Variants in LRP6 observed in about 807,000 individuals in gnomAD.
LRP6 encodes the protein low-density lipoprotein receptor-related protein 6.
Under a neutral mutation model 184.1 loss-of-function variants are expected in LRP6, and 43 were observed. The observed-to-expected ratio is 0.23, with a 90% confidence interval of 0.18 to 0.30. The LOEUF (loss-of-function observed/expected upper bound fraction) is 0.30, where lower values mean the gene tolerates loss of function less well. LRP6 is among the 10% of genes least tolerant of loss of function. The probability of loss-of-function intolerance (pLI) is 1.00; values close to 1 mark genes in which losing one functional copy is unlikely to be tolerated. For missense variants in LRP6, 1,571 were observed against 2,005.3 expected (o/e 0.78, Z 4.14); for synonymous variants, 719 against 684.9 (o/e 1.05, Z -0.78).
Position 12,244,655 on chromosome 12 carries a change from G to C in LRP6, c.56C>G (p.Ala19Gly). ...GTTTGCATAAAGCAACAAAGGGGCC[G>C]CTAGAACAAAAAAAGAAAAATATGT... ...LACSFCVLLR[A>G]APLLLYANRR... The change falls in exon 2 of 23, where the codon GCG becomes GGG. Residue 19 changes from alanine (A) to glycine (G), a missense_variant and splice_region_variant. Physicochemically the swap from Ala to Gly is moderately conservative, Grantham distance 60. Around this residue, in one of 4 missense-constraint regions of LRP6, gnomAD observed 640 missense variants for 851.9 expected, o/e 0.75. Transcript: ENST00000261349. 1 of 1,613,108 alleles carries C rather than the reference G, an allele frequency of 6.2e-7. No individual in the cohort carries two copies.
chr12:12,153,087 A>C (rs888272674), intron 12 of LRP6, among the ~76,000 whole-genome samples: 1 of 152,232 alleles, frequency 6.6e-6, no homozygotes, highest in Non-Finnish European at 1.5e-5. Flanking sequence ...GAGTAGTAAA[A>C]ACACATCACA....
At chr12:12,163,386 A>C (rs1242389954) in intron 9 of LRP6, among the ~76,000 whole-genome samples, 1 of 152,122 alleles carries the variant, frequency 6.6e-6, no homozygotes, top group Non-Finnish European at 1.5e-5. Context: ...TTAGAATCCA[A>C]CTCTGACTCC....
chr12:12,161,770 TAATA>T (rs1862747585), intron 10 of LRP6, among the ~76,000 whole-genome samples: 1 of 152,188 alleles, frequency 6.6e-6, no homozygotes, highest in Non-Finnish European at 1.5e-5. Context: ...CATTTTGAAT[TAATA>T]AATACTCCAA....
intron 1 of LRP6, among the ~76,000 whole-genome samples, chr12:12,258,650 G>C (rs1351993804): frequency 2.0e-5 from 3 of 152,212 alleles, no homozygotes; most frequent in South Asian, 4.1e-4. Flanking sequence ...CATAAATCTA[G>C]AAGGTTACAA....
At chr12:12,133,834 A>T (rs1949790821) in intron 17 of LRP6, among the ~76,000 whole-genome samples, 1 of 99,422 alleles carries the variant, frequency 1.0e-5, no homozygotes, top group East Asian at 3.6e-4. Flanking sequence ...AGGGAAACAC[A>T]TGCTATTTTT....
At chr12:12,125,521 T>G in intron 20 of LRP6, 89 bp from the exon 21 acceptor site, 1 of 1,165,396 alleles carries the variant, frequency 8.6e-7, no homozygotes, top group Non-Finnish European at 1.3e-6. Flanking sequence ...ATTACAAATA[T>G]CAACAGTGAA....
At chr12:12,153,679 A>G (rs574185240) in intron 12 of LRP6, among the ~76,000 whole-genome samples, 1 of 152,320 alleles carries the variant, frequency 6.6e-6, no homozygotes, top group South Asian at 2.1e-4. Flanking sequence ...AAAAGCCTAA[A>G]TCCACCCTAT....
At chr12:12,215,477 G>A (rs563928158) in intron 2 of LRP6, among the ~76,000 whole-genome samples, 1 of 151,872 alleles carries the variant, frequency 6.6e-6, no homozygotes, top group South Asian at 2.1e-4. Context: ...CCAAACTGGA[G>A]TGCAATAGCG....
rs869320641 is a variant in LRP6, at chr12:12,181,412, C to T, written c.1004G>A (p.Arg335Gln). 5 of 1,398,756 alleles carry T rather than the reference C, an allele frequency of 3.6e-6. No homozygotes were observed. Among genetic ancestry groups the T allele is most frequent in the African/African-American group, 2.8e-5 (2 of 70,762 alleles). 86.6% of individuals were successfully genotyped at this position (1,398,756 alleles called of 1,614,324 possible). A position where few individuals can be genotyped will look rare whatever the true frequency, so the allele number is the denominator to read the frequency against. ...DGATELLLLA[R>Q]RTDLRRISLD... ...AGAAATGCGTCTCAAGTCTGTCCTT[C>T]GAGCTAAAAGCAATAATTCTGTGGC... Residue 335 changes from arginine (R) to glutamine (Q), a missense_variant, in exon 6 of 23, where the codon CGA (arginine) becomes CAA (glutamine). This residue lies in a region of LRP6 where 640 missense variants were observed against 851.9 expected (regional missense o/e 0.75). Transcript: ENST00000261349.
Position 12,147,466 on chromosome 12 carries a change from A to G in LRP6, c.3297T>C (p.Ser1099=), listed in dbSNP as rs138082323. Residue 1099 remains serine (S), a synonymous_variant, in exon 15 of 23, where the codon AGT becomes AGC. Coordinates refer to ENST00000261349, the MANE Select transcript of LRP6 (RefSeq NM_002336.3). The part of the protein sequence containing the change: ...DGTEREVLFF[S]GLSKPIALAL... ...CTAAAGCAATTGGTTTACTTAAGCC[A>G]CTGAAAAAGAGGACCTCCCGTTCTG... 7.2e-5 allele frequency: 116 copies of G among 1,614,110 alleles called. No homozygotes were observed. In the African/African-American group the frequency reaches 1.4e-3, roughly 19 times the overall value.
chr12:12,238,668 A>G (rs1443504254), intron 2 of LRP6, among the ~76,000 whole-genome samples: 1 of 152,170 alleles, frequency 6.6e-6, no homozygotes, highest in Non-Finnish European at 1.5e-5. Flanking sequence ...ACTAATTATC[A>G]TTTCAAGAAT....
intron 12 of LRP6, chr12:12,155,190 T>C: frequency 1.7e-6 from 1 of 574,638 alleles, no homozygotes; most frequent in Non-Finnish European, 3.2e-6. Flanking sequence ...TGTGAGACTC[T>C]GTCTCAAACA....
intron 1 of LRP6, among the ~76,000 whole-genome samples, chr12:12,260,756 G>C (rs550515396): frequency 6.6e-6 from 1 of 152,118 alleles, no homozygotes; most frequent in Non-Finnish European, 1.5e-5. Flanking sequence ...TTGTCCAAAG[G>C]AACACAAAGC....
At chr12:12,141,256 C>T (rs1949930877) in intron 15 of LRP6, among the ~76,000 whole-genome samples, 1 of 151,904 alleles carries the variant, frequency 6.6e-6, no homozygotes, top group Non-Finnish European at 1.5e-5. Flanking sequence ...AACAAAGGCA[C>T]AGTATCAAAT....
At chr12:12,133,243 G>A (rs749860375) in intron 17 of LRP6, among the ~76,000 whole-genome samples, 22 of 152,306 alleles carry the variant, frequency 1.4e-4, no homozygotes, top group Non-Finnish European at 2.8e-4. Flanking sequence ...GTGTGATATA[G>A]TTTGGATATT....
At chr12:12,178,915 T>C (rs915761927) in intron 7 of LRP6, among the ~76,000 whole-genome samples, 2 of 152,172 alleles carry the variant, frequency 1.3e-5, no homozygotes, top group African/African-American at 2.4e-5. Context: ...ACAGAATACC[T>C]TTCCAAAACA....
rs371290168 is a variant in LRP6, at chr12:12,120,006, T to C, written c.*1120A>G. 6 of 81,986 alleles carry C rather than the reference T, an allele frequency of 7.3e-5. No homozygotes were observed. The highest frequency in any genetic ancestry group is 1.6e-4 in the Non-Finnish European group (6 of 38,538). The allele number at this position is 81,986 out of a possible 1,614,324, so 5.1% of individuals were successfully genotyped here. A position where few individuals can be genotyped will look rare whatever the true frequency, so the allele number is the denominator to read the frequency against. On this transcript the variant is annotated 3_prime_UTR_variant, in exon 23 of 23. Transcript: ENST00000261349. ...AACAAACAAAATATATATATATATA[T>C]ATATATATATATATATATATATATA...
intron 2 of LRP6, among the ~76,000 whole-genome samples, chr12:12,221,042 T>C (rs1478630518): frequency 2.0e-5 from 3 of 152,236 alleles, no homozygotes; most frequent in Non-Finnish European, 2.9e-5. Flanking sequence ...GTCTCAGTTC[T>C]TCCCACAATC....
At chr12:12,187,937 C>T (rs942582688) in intron 3 of LRP6, among the ~76,000 whole-genome samples, 3 of 152,018 alleles carry the variant, frequency 2.0e-5, no homozygotes, top group African/African-American at 2.4e-5. Flanking sequence ...GAGGGCCGGG[C>T]GCAGTGGCTC....
Sources: allele counts gnomAD v4.1 joint callset (sites outside exome capture counted in the v4.1 genomes callset), GRCh38; gene constraint gnomAD v4.1.1; regional missense constraint gnomAD v4.1.1; transcripts MANE v1.5; gene names NCBI Gene and HGNC (gene_info 2026-07-23, HGNC 2026-07-21).